The following PIAS2 variants were observed in gnomAD, a reference collection of about 807,000 sequenced individuals.
PIAS2 encodes the protein E3 SUMO-protein ligase PIAS2.
PIAS2 carries 19 observed loss-of-function variants against 69.7 expected under a neutral mutation model. The ratio of observed to expected loss-of-function variants is 0.27; its 90% confidence interval spans 0.19 to 0.40. The LOEUF (loss-of-function observed/expected upper bound fraction) is 0.40. Ranked by LOEUF, PIAS2 falls within the 10% of genes least tolerant of loss-of-function variation. The pLI, the probability that PIAS2 is intolerant of heterozygous loss-of-function variation, is 1.00. For synonymous variants in PIAS2, 261 were observed against 263.2 expected, an observed-to-expected ratio of 0.99 and a Z score of 0.08; for missense variants, 624 against 757.0, an observed-to-expected ratio of 0.82 and a Z score of 2.06.
intron 2 of PIAS2, 36 bp downstream of exon 2, chr18:46,890,544 T>C (rs760181272): frequency 7.9e-7 from 1 of 1,268,906 alleles, no homozygotes; most frequent in Non-Finnish European, 1.1e-6. Context: ...TCATTTACTA[T>C]CTTGTTCAGA....
chr18:46,830,886 T>A (rs616900), intron 9 of PIAS2, among the ~76,000 whole-genome samples: 68,979 of 151,936 alleles, frequency 0.45, 15,736 homozygotes, highest in Middle Eastern at 0.52. Flanking sequence ...AGGCAGGCAT[T>A]GCAACAAAAC....
Position 46,883,277 on chromosome 18 carries a change from G to A in PIAS2, c.499+7303C>T, listed in dbSNP as rs575119314. On this transcript the variant is annotated intron_variant, in intron 2 of 13. Transcript: ENST00000585916. Reference sequence around the variant, plus strand: ...ACTTTTGTAATCTGAAAAGAACAATGAAGAAATTAAGGAATCAAAGGTTCA... The same window carrying A: ...ACTTTTGTAATCTGAAAAGAACAATAAAGAAATTAAGGAATCAAAGGTTCA... Among the ~76,000 whole-genome samples, 4 of 152,218 alleles carry A rather than the reference G, an allele frequency of 2.6e-5. No homozygotes were observed. In the East Asian group the frequency reaches 7.7e-4, roughly 29 times the overall value.
intron 3 of PIAS2, among the ~76,000 whole-genome samples, chr18:46,857,704 G>A (rs2048044022): frequency 6.6e-6 from 1 of 152,148 alleles, no homozygotes; most frequent in Non-Finnish European, 1.5e-5. Context: ...ACTTTATTCT[G>A]GCAAGGGAAA....
At chr18:46,850,439 A>T (rs1482113177) in intron 5 of PIAS2, among the ~76,000 whole-genome samples, 2 of 152,168 alleles carry the variant, frequency 1.3e-5, no homozygotes, top group Non-Finnish European at 2.9e-5. Flanking sequence ...TTTTGACCTG[A>T]AGAATGACTT....
chr18:46,813,498 G>C (rs796568525), intron 13 of PIAS2, among the ~76,000 whole-genome samples: 3 of 152,242 alleles, frequency 2.0e-5, no homozygotes, highest in African/African-American at 7.2e-5. Flanking sequence ...TAAAACAAGA[G>C]GTCTAGTGAT....
intron 5 of PIAS2, among the ~76,000 whole-genome samples, chr18:46,848,591 C>T (rs2046489534): frequency 1.3e-5 from 2 of 152,196 alleles, no homozygotes; most frequent in Admixed American, 1.3e-4. Flanking sequence ...ACACCCTTCA[C>T]TGTCTCATAA....
chr18:46,815,439 C>T (rs1311675365), intron 12 of PIAS2, 90 bp from the exon 13 acceptor site: 2 of 1,593,424 alleles, frequency 1.3e-6, no homozygotes, highest in African/African-American at 1.3e-5. Flanking sequence ...AATCACAAAA[C>T]ATTTGTGGTA....
intron 12 of PIAS2, chr18:46,817,062 T>G: frequency 3.2e-6 from 3 of 938,416 alleles, no homozygotes; most frequent in Non-Finnish European, 3.8e-6. Flanking sequence ...AACATTTTGT[T>G]CTGCTTCAAA....
chr18:46,890,785 C>T lies in PIAS2; in HGVS notation c.294G>A (p.Val98=), dbSNP rs765616307. The stretch of plus-strand genomic sequence containing the variant: ...TGGAAGGCAACGAGTGGATTCCAGC[C>T]ACGGCCAAGTCAGGTTCTACAGGTG... The part of the protein sequence containing the change: ...GSSPVEPDLA[V]AGIHSLPSTS... The change falls in exon 2 of 14, where the codon GTG becomes GTA. Residue 98 remains valine, a synonymous_variant. Transcript: ENST00000585916. 6.2e-7 allele frequency: 1 copy of T among 1,614,018 alleles called. No homozygotes were observed. Among genetic ancestry groups the T allele is most frequent in the Non-Finnish European group, 8.5e-7 (1 of 1,180,032 alleles).
rs2145604475 is a variant in PIAS2 at position 46,864,255 on chromosome 18, A to AT, written c.500-8_500-7insA. ...CGCTGAATACTGCTTTGAACTGGGA[A>AT]GAAAAAAAAAAAGAAAGATAATATT... On this transcript the variant is annotated splice_polypyrimidine_tract_variant and splice_region_variant and intron_variant, in intron 2 of 13. Coordinates refer to ENST00000585916, the MANE Select transcript of PIAS2 (RefSeq NM_004671.5). 6.5e-7 allele frequency: 1 copy of AT among 1,544,758 alleles called. No individual in the cohort carries two copies. The highest frequency in any genetic ancestry group is 8.8e-7 in the Non-Finnish European group (1 of 1,140,222).
In PIAS2 at chr18:46,844,147, A is replaced by AC; in HGVS notation, c.968-21_968-20insG. On this transcript the variant is annotated intron_variant, in intron 7 of 13. Coordinates refer to ENST00000585916, the MANE Select transcript of PIAS2 (RefSeq NM_004671.5). ...CTTTAACTTTAAAAAGAAGAGAAAA[A>AC]AAAAAATTTAAAAAAATTAAGGGTG... The AC allele has an allele frequency of 1.6e-6, 2 of 1,230,866 alleles. No homozygotes were observed. Among genetic ancestry groups the AC allele is most frequent in the South Asian group, 3.3e-5 (2 of 60,968 alleles). 76.2% of individuals were successfully genotyped at this position (1,230,866 alleles called of 1,614,324 possible).
intron 9 of PIAS2, among the ~76,000 whole-genome samples, chr18:46,833,218 A>C (rs2043938592): frequency 6.6e-6 from 1 of 152,220 alleles, no homozygotes; most frequent in South Asian, 2.1e-4. Context: ...CAGCAATAAA[A>C]ATGAACTATT....
intron 2 of PIAS2, among the ~76,000 whole-genome samples, chr18:46,878,281 CA>C (rs1459290197): frequency 1.3e-5 from 2 of 152,120 alleles, no homozygotes; most frequent in Non-Finnish European, 2.9e-5. Context: ...ATTCTGAAAA[CA>C]GTAAGATACT....
chr18:46,891,066 G>GA lies in PIAS2; in HGVS notation c.25-13dup, dbSNP rs751956832. 2.5e-3 allele frequency: 3,602 copies of GA among 1,466,656 alleles called. No individual in the cohort carries two copies. The highest frequency in any genetic ancestry group is 2.8e-3 in the Non-Finnish European group (3,041 of 1,087,986). 90.9% of individuals were successfully genotyped at this position (1,466,656 alleles called of 1,614,324 possible). ...CTAGAAACCATATTCTAAAAGGAAA[G>GA]AAAAAAAAACATAAGCCAAGTCACC... On this transcript the variant is annotated splice_polypyrimidine_tract_variant and intron_variant, in intron 1 of 13. Coordinates refer to ENST00000585916, the MANE Select transcript of PIAS2 (RefSeq NM_004671.5).
chr18:46,901,566 A>G (rs1174024249), intron 1 of PIAS2, among the ~76,000 whole-genome samples: 4 of 152,180 alleles, frequency 2.6e-5, no homozygotes, highest in Non-Finnish European at 5.9e-5. Flanking sequence ...AGTATGCAAG[A>G]CTGGTTCATT....
chr18:46,918,837 C>T (rs1266231263), upstream of PIAS2, among the ~76,000 whole-genome samples: 1 of 152,100 alleles, frequency 6.6e-6, no homozygotes, highest in Non-Finnish European at 1.5e-5. Flanking sequence ...AGTGTCACTT[C>T]CTCAGGAAGA....
At chr18:46,909,814 A>G (rs1442849150) in intron 1 of PIAS2, among the ~76,000 whole-genome samples, 2 of 152,234 alleles carry the variant, frequency 1.3e-5, no homozygotes, top group African/African-American at 4.8e-5. Flanking sequence ...TTTTTCTGCA[A>G]GACAAGTTTG....
chr18:46,829,734 T>G lies in PIAS2; in HGVS notation c.1336A>C (p.Ser446Arg), dbSNP rs777742734. The change falls in exon 10 of 14, where the codon AGT becomes CGT. Residue 446 changes from serine to arginine, a missense_variant and splice_region_variant. Coordinates refer to ENST00000585916, the MANE Select transcript of PIAS2 (RefSeq NM_004671.5). ...CTCTCTGCTGCTATTCTACACATACTTTCTATTTTTGTACACGGTTGGCTG... is the reference window on the plus strand; with the variant it reads ...CTCTCTGCTGCTATTCTACACATACGTTCTATTTTTGTACACGGTTGGCTG... Reference protein sequence around the residue: ...VSSQPCTKIESSSVLSKPCSV... With the variant: ...VSSQPCTKIERSSVLSKPCSV... The G allele has an allele frequency of 6.2e-7, 1 of 1,612,382 alleles. No homozygotes were observed. Among genetic ancestry groups the G allele is most frequent in the Non-Finnish European group, 8.5e-7 (1 of 1,179,268 alleles).
At chr18:46,886,866 G>A (rs1038812616) in intron 2 of PIAS2, among the ~76,000 whole-genome samples, 3 of 151,488 alleles carry the variant, frequency 2.0e-5, no homozygotes, top group Admixed American at 2.0e-4. Context: ...AAATAAAATC[G>A]AATAAAATAA....
Sources: allele counts gnomAD v4.1 joint callset (sites outside exome capture counted in the v4.1 genomes callset), GRCh38; gene constraint gnomAD v4.1.1; transcripts MANE v1.5; gene names NCBI Gene and HGNC (gene_info 2026-07-23, HGNC 2026-07-21).